Variants in SLC35F1 observed in about 807,000 individuals in gnomAD.
The protein encoded by SLC35F1 is solute carrier family 35 member F1, also known as chromosome 6 open reading frame 169.
In SLC35F1, 14 loss-of-function variants were observed where a neutral mutation model predicts 48.7. The observed-to-expected ratio is 0.29, with a 90% CI of 0.19 to 0.45. The LOEUF (loss-of-function observed/expected upper bound fraction) is 0.45. Among genes scored for constraint, SLC35F1 ranks in the 20% least tolerant of loss-of-function variants. The pLI is 1.00. For missense variants in SLC35F1, 404 were observed against 500.0 expected, an observed-to-expected ratio of 0.81 and a Z score of 1.83; for synonymous variants, 190 against 202.2, an observed-to-expected ratio of 0.94 and a Z score of 0.51.
At chr6:118,281,877 G>A (rs1775988813) in intron 6 of SLC35F1, among the ~76,000 whole-genome samples, 1 of 152,212 alleles carries the variant, frequency 6.6e-6, no homozygotes, top group African/African-American at 2.4e-5. Flanking sequence ...GATAGCAATA[G>A]TTATCAGCAT....
chr6:117,973,542 T>C (rs1776669422), intron 1 of SLC35F1, among the ~76,000 whole-genome samples: 1 of 151,806 alleles, frequency 6.6e-6, no homozygotes, highest in Non-Finnish European at 1.5e-5. Context: ...TTAAATTTAT[T>C]ATTATTTTGT....
intron 1 of SLC35F1, among the ~76,000 whole-genome samples, chr6:118,014,816 G>C (rs1777297258): frequency 6.6e-6 from 1 of 152,202 alleles, no homozygotes; most frequent in Admixed American, 6.5e-5. Flanking sequence ...ACAAGCCGGA[G>C]GACATCCTCA....
intron 1 of SLC35F1, among the ~76,000 whole-genome samples, chr6:118,012,640 T>C (rs1429063059): frequency 6.6e-6 from 1 of 152,216 alleles, no homozygotes; most frequent in South Asian, 2.1e-4. Context: ...TTATTTGCTT[T>C]CTGTAATTCA....
chr6:118,302,113 G>A (rs1776260056), intron 7 of SLC35F1, among the ~76,000 whole-genome samples: 1 of 152,006 alleles, frequency 6.6e-6, no homozygotes, highest in African/African-American at 2.4e-5. Context: ...GTATCTATTA[G>A]TTTTGTTATA....
intron 7 of SLC35F1, among the ~76,000 whole-genome samples, chr6:118,300,802 A>G (rs980748319): frequency 2.0e-5 from 3 of 152,206 alleles, no homozygotes; most frequent in African/African-American, 7.2e-5. Flanking sequence ...GAATTATTTT[A>G]GAATAAAATT....
At chr6:117,933,659 C>T (rs1033285186) in intron 1 of SLC35F1, among the ~76,000 whole-genome samples, 1 of 152,184 alleles carries the variant, frequency 6.6e-6, no homozygotes, top group Admixed American at 6.5e-5. Flanking sequence ...CTTTTGTGCT[C>T]TGATTGCCCA....
chr6:118,221,014 G>A (rs2114562896), intron 2 of SLC35F1, among the ~76,000 whole-genome samples: 1 of 152,158 alleles, frequency 6.6e-6, no homozygotes, highest in Admixed American at 6.5e-5. Context: ...CTTATTATTT[G>A]GCATCTTTTC....
chr6:117,973,294 A>G (rs1776666589), intron 1 of SLC35F1, among the ~76,000 whole-genome samples: 1 of 152,182 alleles, frequency 6.6e-6, no homozygotes, highest in Non-Finnish European at 1.5e-5. Flanking sequence ...TACCTTCTTT[A>G]AAGTCCTTAT....
intron 1 of SLC35F1, among the ~76,000 whole-genome samples, chr6:118,110,539 T>C (rs915038071): frequency 6.6e-6 from 1 of 152,148 alleles, no homozygotes; most frequent in African/African-American, 2.4e-5. Context: ...AGACATAATG[T>C]ATCAGACAAA....
chr6:117,918,413 CTG>C, intron 1 of SLC35F1, among the ~76,000 whole-genome samples: 1 of 152,154 alleles, frequency 6.6e-6, no homozygotes, highest in East Asian at 1.9e-4. Flanking sequence ...AGAGGAGACA[CTG>C]AGAATGGGGG....
chr6:118,088,157 A>G (rs1773018815), intron 1 of SLC35F1, among the ~76,000 whole-genome samples: 1 of 152,228 alleles, frequency 6.6e-6, no homozygotes, highest in South Asian at 2.1e-4. Flanking sequence ...TAAACTGCGT[A>G]TCTTTTTATA....
intron 1 of SLC35F1, among the ~76,000 whole-genome samples, chr6:117,975,653 G>C (rs1009574877): frequency 6.6e-5 from 10 of 152,106 alleles, no homozygotes; most frequent in African/African-American, 2.4e-4. Context: ...TATTTTTGTA[G>C]ACGGGAATCT....
chr6:118,138,822 T>C (rs543642393), intron 1 of SLC35F1, among the ~76,000 whole-genome samples: 2 of 152,250 alleles, frequency 1.3e-5, no homozygotes, highest in South Asian at 4.1e-4. Context: ...GGGAAAATAA[T>C]GTGTGCTCAT....
intron 7 of SLC35F1, among the ~76,000 whole-genome samples, chr6:118,288,803 G>A (rs1469387370): frequency 6.6e-6 from 1 of 151,974 alleles, no homozygotes; most frequent in Non-Finnish European, 1.5e-5. Flanking sequence ...ATGGTTGGGG[G>A]GGCCTTAGAA....
intron 1 of SLC35F1, among the ~76,000 whole-genome samples, chr6:118,096,410 C>G (rs1218388442): frequency 6.6e-6 from 1 of 152,148 alleles, no homozygotes; most frequent in Non-Finnish European, 1.5e-5. Context: ...GACATACTGA[C>G]CCTTTTAGCC....
intron 1 of SLC35F1, among the ~76,000 whole-genome samples, chr6:117,916,326 G>A (rs914010637): frequency 2.0e-5 from 3 of 151,800 alleles, no homozygotes; most frequent in South Asian, 4.2e-4. Flanking sequence ...CAAAAGTATT[G>A]TCTTCTATGA....
At chr6:118,101,452 T>C (rs1326678182) in intron 1 of SLC35F1, among the ~76,000 whole-genome samples, 1 of 152,218 alleles carries the variant, frequency 6.6e-6, no homozygotes, top group Non-Finnish European at 1.5e-5. Flanking sequence ...TTGGTTCACA[T>C]GTAAATGAGA....
intron 7 of SLC35F1, among the ~76,000 whole-genome samples, chr6:118,293,198 T>C (rs1487776279): frequency 6.6e-6 from 1 of 152,182 alleles, no homozygotes; most frequent in Non-Finnish European, 1.5e-5. Flanking sequence ...TACCACAAAT[T>C]TAGTGGCTTA....
chr6:118,108,968 T>C lies in SLC35F1; in HGVS notation c.174-45477T>C, dbSNP rs1423117811. The stretch of plus-strand genomic sequence containing the variant: ...TGTGCTCCTTTGAAGGCATTTCTTC[T>C]GGGTAAATTATAACAGTTTCTAGTT... On this transcript the variant is annotated intron_variant, in intron 1 of 7. Transcript: ENST00000360388. Among the ~76,000 whole-genome samples, 4 of 152,312 alleles carry C rather than the reference T, an allele frequency of 2.6e-5. No individual in the cohort carries two copies. In the East Asian group the frequency reaches 7.7e-4, roughly 29 times the overall value.
Sources: allele counts gnomAD v4.1 joint callset (sites outside exome capture counted in the v4.1 genomes callset), GRCh38; gene constraint gnomAD v4.1.1; transcripts MANE v1.5; gene names NCBI Gene and HGNC (gene_info 2026-07-23, HGNC 2026-07-21).